Variants in AGMO observed in about 807,000 individuals in gnomAD.
AGMO encodes alkylglycerol monooxygenase, also known as glyceryl-ether monooxygenase.
AGMO carries 75 observed loss-of-function variants against 60.2 expected under a neutral mutation model. The ratio of observed to expected loss-of-function variants is 1.25; its 90% CI spans 1.03 to 1.51. The LOEUF (loss-of-function observed/expected upper bound fraction) is 1.51, where lower values mean the gene tolerates loss of function less well. AGMO is among the 40% of genes most tolerant of loss of function. The probability of loss-of-function intolerance (pLI) is 0.00; values close to 1 mark genes in which losing one functional copy is unlikely to be tolerated. For synonymous variants in AGMO, 261 were observed against 177.1 expected, an observed-to-expected ratio of 1.47 and a Z score of -3.76; for missense variants, 763 against 525.5, an observed-to-expected ratio of 1.45 and a Z score of -4.42.
At chr7:15,185,269 T>TA in the AGMO span, among the ~76,000 whole-genome samples, 50 of 152,262 alleles carry the variant, frequency 3.3e-4, no homozygotes, top group Admixed American at 2.9e-3. Flanking sequence ...AAAATAAATA[T>TA]AAACTAAAAG....
chr7:15,334,694 T>G (rs922298468), intron 12 of AGMO, among the ~76,000 whole-genome samples: 1 of 152,302 alleles, frequency 6.6e-6, no homozygotes, highest in East Asian at 1.9e-4. Context: ...TTGAAAGCCT[T>G]ACTATAATTG....
At chr7:15,279,469 GT>G (rs935441026) in intron 12 of AGMO, among the ~76,000 whole-genome samples, 1,771 of 151,100 alleles carry the variant, frequency 0.012, 30 homozygotes, top group African/African-American at 0.041. Flanking sequence ...AACACTGGTT[GT>G]TTTTTTTTAT....
At chr7:15,397,590 T>A (rs1437384139) in intron 5 of AGMO, among the ~76,000 whole-genome samples, 2 of 152,212 alleles carry the variant, frequency 1.3e-5, no homozygotes. Context: ...CCTTCCTTCT[T>A]TCTTCATTCC....
At chr7:15,361,546 A>AAAAAAAAAAAAAAGAAAAAAAG (rs60239009) in intron 12 of AGMO, among the ~76,000 whole-genome samples, 1 of 91,408 alleles carries the variant, frequency 1.1e-5, no homozygotes, top group Non-Finnish European at 2.2e-5. Context: ...TCTCAAAAAA[A>AAAAAAAAAAAAAAGAAAAAAAG]AAAAAAAAGG....
chr7:15,406,228 T>TACACACACACACACACACAC (rs61400312), intron 5 of AGMO, among the ~76,000 whole-genome samples: 110 of 136,434 alleles, frequency 8.1e-4, no homozygotes, highest in African/African-American at 2.9e-3. Flanking sequence ...TTGTTTGGAA[T>TACACACACACACACACACAC]ACACACACAC....
At chr7:15,132,947 G>T in the AGMO span, among the ~76,000 whole-genome samples, 2 of 152,132 alleles carry the variant, frequency 1.3e-5, no homozygotes, top group African/African-American at 4.8e-5. Flanking sequence ...AGAAAGGCAA[G>T]AGGGATGCAA....
chr7:15,159,818 G>T, the AGMO span, among the ~76,000 whole-genome samples: 1 of 152,148 alleles, frequency 6.6e-6, no homozygotes, highest in Non-Finnish European at 1.5e-5. Flanking sequence ...GGTCCAATCG[G>T]TCCATTCATT....
intron 12 of AGMO, among the ~76,000 whole-genome samples, chr7:15,324,254 C>G (rs1309892863): frequency 1.3e-5 from 2 of 152,088 alleles, no homozygotes; most frequent in Non-Finnish European, 2.9e-5. Context: ...ATAGTTGAGA[C>G]AGAAAACTGC....
chr7:15,497,828 T>C (rs10950564), intron 3 of AGMO, among the ~76,000 whole-genome samples: 109,162 of 151,854 alleles, frequency 0.72, 40,560 homozygotes, highest in East Asian at 0.96. Context: ...TTCCTATAGA[T>C]TGGGTTGGAT....
rs796210338 is a variant in AGMO, at chr7:15,322,727, T to A, written c.1263+42787A>T. 2.9e-3 allele frequency among the ~76,000 whole-genome samples: 227 copies of A among 78,706 alleles called. 27 individuals are homozygous for A. Among genetic ancestry groups the A allele is most frequent in the Middle Eastern group, 0.019 (2 of 104 alleles). 51.6% of individuals were successfully genotyped at this position (78,706 alleles called of 152,430 possible). A position where few individuals can be genotyped will look rare whatever the true frequency, so the allele number is the denominator to read the frequency against. ...ATAAATATATATAAATATATAAATA[T>A]ATATATAAATATATAAATATATATA... is the stretch of plus-strand genomic sequence containing the variant. On this transcript the variant is annotated intron_variant, in intron 12 of 12. Transcript: ENST00000342526.
chr7:15,414,623 A>C (rs1413652768), intron 5 of AGMO, among the ~76,000 whole-genome samples: 1 of 152,112 alleles, frequency 6.6e-6, no homozygotes, highest in African/African-American at 2.4e-5. Context: ...GGCAAGAAAA[A>C]AAATAGCACA....
intron 10 of AGMO, among the ~76,000 whole-genome samples, chr7:15,379,386 G>A (rs765596118): frequency 6.6e-6 from 1 of 151,968 alleles, no homozygotes; most frequent in South Asian, 2.1e-4. Flanking sequence ...TGATAAAGAA[G>A]AAACAGAAGA....
the AGMO span, among the ~76,000 whole-genome samples, chr7:15,144,575 C>T: frequency 2.0e-5 from 3 of 152,142 alleles, no homozygotes; most frequent in African/African-American, 4.8e-5. Flanking sequence ...TAAGTATGCG[C>T]ATGCACGTTT....
chr7:15,191,973 TCACACACACACACACACACA>T, the AGMO span, among the ~76,000 whole-genome samples: 2 of 144,746 alleles, frequency 1.4e-5, no homozygotes, highest in African/African-American at 5.2e-5. Flanking sequence ...TGTCTCTCTC[TCACACACACACACACACACA>T]CACACACACA....
At chr7:15,435,086 T>G (rs1781362776) in intron 3 of AGMO, among the ~76,000 whole-genome samples, 1 of 152,130 alleles carries the variant, frequency 6.6e-6, no homozygotes, top group Non-Finnish European at 1.5e-5. Flanking sequence ...AATGACTATA[T>G]CACAGTTTTG....
the AGMO span, among the ~76,000 whole-genome samples, chr7:15,134,365 G>A: frequency 1.3e-5 from 2 of 151,940 alleles, no homozygotes; most frequent in Non-Finnish European, 2.9e-5. Flanking sequence ...GTAGAAATGG[G>A]TTTTCACCAT....
At chr7:15,294,014 T>G (rs1015950469) in intron 12 of AGMO, among the ~76,000 whole-genome samples, 2 of 152,102 alleles carry the variant, frequency 1.3e-5, no homozygotes, top group Non-Finnish European at 2.9e-5. Context: ...GTGACTAAAA[T>G]TTATTAATAA....
chr7:15,313,638 C>T (rs1053026288), intron 12 of AGMO, among the ~76,000 whole-genome samples: 5 of 152,072 alleles, frequency 3.3e-5, no homozygotes, highest in African/African-American at 7.2e-5. Flanking sequence ...AGAGTAAACT[C>T]ATAGTAATAT....
At chr7:15,265,680 C>A (rs1231248338) in intron 12 of AGMO, among the ~76,000 whole-genome samples, 1 of 151,958 alleles carries the variant, frequency 6.6e-6, no homozygotes, top group African/African-American at 2.4e-5. Context: ...AATTGGAGCC[C>A]TGCATGCCAT....
Sources: gnomAD v4.1 joint callset for allele counts (sites outside exome capture counted in the v4.1 genomes callset) on GRCh38, gnomAD v4.1.1 for gene constraint, MANE v1.5 for transcripts, NCBI Gene and HGNC (gene_info 2026-07-23, HGNC 2026-07-21) for gene names.